Variants in ABCA13 observed in about 807,000 individuals in gnomAD.
ABCA13 encodes ATP binding cassette subfamily A member 13, also known as ATP-binding cassette sub-family A member 13.
A neutral mutation model predicts 478.7 loss-of-function variants in ABCA13; 476 were observed. That is an observed-to-expected ratio of 0.99 (90% CI 0.92 to 1.07). ABCA13 has a LOEUF of 1.07. Ranked by LOEUF, ABCA13 falls within the 50% of genes least tolerant of loss-of-function variation. The pLI is 0.00. For missense variants in ABCA13, 6,060 were observed against 5,910.6 expected (o/e 1.03, Z -0.83); for synonymous variants, 2,252 against 2,158.9 (o/e 1.04, Z -1.20).
In ABCA13 at chr7:48,455,248, A is replaced by T. The variant is rs767838814; in HGVS notation, c.12777A>T (p.Thr4259=). 2 of 1,606,010 alleles carry T rather than the reference A, an allele frequency of 1.2e-6. No homozygotes were observed. The highest frequency in any genetic ancestry group is 2.2e-5 in the South Asian group (2 of 89,454). Residue 4259 remains threonine, a synonymous_variant, in exon 43 of 62, where the codon ACA becomes ACT. Transcript: ENST00000435803. The part of the protein sequence containing the change: ...LATEYPPLRL[T]PGHYQRAETY... ...CCGAGTACCCTCCCCTCAGACTCAC[A>T]CCTGGACATTACCAGCGGGCCGAGA...
intron 42 of ABCA13, among the ~76,000 whole-genome samples, chr7:48,433,913 T>G (rs1261854737): frequency 4.6e-5 from 7 of 152,126 alleles, no homozygotes; most frequent in Admixed American, 4.6e-4. Flanking sequence ...TGTTTATCCA[T>G]TTATCTGTTG....
At chr7:48,593,284 T>C (rs533200520) in intron 57 of ABCA13, among the ~76,000 whole-genome samples, 1 of 151,188 alleles carries the variant, frequency 6.6e-6, no homozygotes, top group African/African-American at 2.4e-5. Context: ...GTGCATCTTC[T>C]ATAGGTTTTT....
Position 48,645,534 on chromosome 7 carries a change from G to T in ABCA13, c.*22G>T. Reference sequence around the variant, plus strand: ...CTGAGCACTAAAGAAGTTTCCATAAGGAATAAAACCTTGTCTTCCATTACA... The same window carrying T: ...CTGAGCACTAAAGAAGTTTCCATAATGAATAAAACCTTGTCTTCCATTACA... On this transcript the variant is annotated 3_prime_UTR_variant, in exon 62 of 62. Coordinates refer to ENST00000435803, the MANE Select transcript of ABCA13 (RefSeq NM_152701.5). 6.5e-7 allele frequency: 1 copy of T among 1,541,926 alleles called. No individual in the cohort carries two copies. Among genetic ancestry groups the T allele is most frequent in the Non-Finnish European group, 8.8e-7 (1 of 1,134,934 alleles).
chr7:48,561,224 C>A (rs756126151), intron 55 of ABCA13, among the ~76,000 whole-genome samples: 3 of 152,118 alleles, frequency 2.0e-5, no homozygotes, highest in Non-Finnish European at 2.9e-5. Flanking sequence ...GCTAACTCTT[C>A]AACATAATGA....
rs748914422 is a variant in ABCA13, at chr7:48,580,211, C to T, written c.14355-13C>T. Reference sequence around the variant, plus strand: ...AAACTGCTGTTCTCAGCCTGTGCTGCTTCTCTCTGCAGAGACGCCGTGGAC... The same window carrying T: ...AAACTGCTGTTCTCAGCCTGTGCTGTTTCTCTCTGCAGAGACGCCGTGGAC... On this transcript the variant is annotated splice_polypyrimidine_tract_variant and intron_variant, in intron 55 of 61. Transcript: ENST00000435803. 6.3e-7 allele frequency: 1 copy of T among 1,599,554 alleles called. No individual in the cohort carries two copies. The highest frequency in any genetic ancestry group is 1.1e-5 in the South Asian group (1 of 88,678).
intron 35 of ABCA13, 63 bp from the exon 36 acceptor site, chr7:48,387,759 T>G: frequency 7.7e-7 from 1 of 1,292,464 alleles, no homozygotes; most frequent in South Asian, 1.5e-5. Context: ...ACTTAAGATA[T>G]TCTAATACAG....
At chr7:48,452,756 A>G (rs1442877387) in intron 42 of ABCA13, among the ~76,000 whole-genome samples, 2 of 152,222 alleles carry the variant, frequency 1.3e-5, no homozygotes, top group Admixed American at 6.5e-5. Context: ...TGAACAAAGT[A>G]TGGCATTTTA....
intron 38 of ABCA13, among the ~76,000 whole-genome samples, chr7:48,399,575 C>G (rs971717477): frequency 2.0e-5 from 3 of 152,106 alleles, no homozygotes; most frequent in African/African-American, 7.2e-5. Context: ...ATTACAAGGT[C>G]TAGGATGTAA....
intron 20 of ABCA13, among the ~76,000 whole-genome samples, chr7:48,294,683 T>C (rs888096878): frequency 6.6e-6 from 1 of 151,654 alleles, no homozygotes; most frequent in African/African-American, 2.4e-5. Context: ...CCTGACCTCA[T>C]GATCCACCCG....
intron 29 of ABCA13, among the ~76,000 whole-genome samples, chr7:48,349,963 G>A (rs776315498): frequency 6.6e-6 from 1 of 152,196 alleles, no homozygotes; most frequent in Non-Finnish European, 1.5e-5. Context: ...ACGCTGCCTT[G>A]CTCTAGATCA....
rs1027815588 is a variant in ABCA13, at chr7:48,506,199, T to A, written c.13292-137T>A. The A allele has an allele frequency of 1.2e-4, 96 of 830,242 alleles. 1 individual carries two copies. In the East Asian group the frequency reaches 2.6e-3, roughly 22 times the overall value. The allele number at this position is 830,242 out of a possible 1,614,324, so 51.4% of individuals were successfully genotyped here. ...CACAATGGAATTTGCCATTTTTTTC[T>A]GCTAATTGACCAGGGCCTGGGCAAA... On this transcript the variant is annotated intron_variant, in intron 48 of 61. Transcript: ENST00000435803.
intron 39 of ABCA13, among the ~76,000 whole-genome samples, chr7:48,409,113 TAA>T (rs1162802762): frequency 6.6e-6 from 1 of 152,246 alleles, no homozygotes; most frequent in African/African-American, 2.4e-5. Flanking sequence ...TGAGTAGAGT[TAA>T]AGACATGTTT....
intron 52 of ABCA13, 99 bp downstream of exon 52, chr7:48,516,980 AT>A (rs1186688064): frequency 3.1e-6 from 4 of 1,286,902 alleles, no homozygotes; most frequent in African/African-American, 1.5e-5. Flanking sequence ...CTGGAATTCA[AT>A]GGAAATGCAT....
intron 1 of ABCA13, among the ~76,000 whole-genome samples, chr7:48,177,099 A>C (rs1367085037): frequency 2.6e-5 from 4 of 152,176 alleles, no homozygotes; most frequent in African/African-American, 9.7e-5. Context: ...TATTTTTCTG[A>C]AATTGAAAAA....
intron 48 of ABCA13, among the ~76,000 whole-genome samples, chr7:48,497,179 C>T (rs545056947): frequency 4.6e-5 from 7 of 152,008 alleles, no homozygotes; most frequent in South Asian, 2.1e-4. Context: ...TTTTTCATCT[C>T]GAGTCCATGC....
intron 42 of ABCA13, among the ~76,000 whole-genome samples, chr7:48,430,695 G>A (rs1345271221): frequency 7.0e-6 from 1 of 142,876 alleles, no homozygotes; most frequent in East Asian, 2.0e-4. Context: ...AAAAAAGCCT[G>A]TAGTGATGTT....
intron 17 of ABCA13, among the ~76,000 whole-genome samples, chr7:48,277,456 A>C (rs1796452674): frequency 1.3e-5 from 2 of 152,208 alleles, no homozygotes; most frequent in African/African-American, 4.8e-5. Context: ...AAGTTAACTG[A>C]TCAGGGATTT....
intron 59 of ABCA13, among the ~76,000 whole-genome samples, chr7:48,620,086 G>T (rs1177204926): frequency 6.6e-6 from 1 of 152,190 alleles, no homozygotes; most frequent in Non-Finnish European, 1.5e-5. Context: ...TGGTAGATTA[G>T]CATCCATGAT....
chr7:48,368,318 T>C (rs562498729), intron 32 of ABCA13, among the ~76,000 whole-genome samples: 1 of 152,230 alleles, frequency 6.6e-6, no homozygotes, highest in South Asian at 2.1e-4. Context: ...TAAATTTTTT[T>C]ATTTCCATAG....
Sources: allele counts gnomAD v4.1 joint callset (sites outside exome capture counted in the v4.1 genomes callset), GRCh38; gene constraint gnomAD v4.1.1; transcripts MANE v1.5; gene names NCBI Gene and HGNC (gene_info 2026-07-23, HGNC 2026-07-21).